The following OR10R2 variants were observed in gnomAD, a reference collection of about 807,000 sequenced individuals.
The protein encoded by OR10R2 is olfactory receptor 10R2.
In OR10R2, 1 loss-of-function variant was observed where a neutral mutation model predicts 2.4. The ratio of observed to expected loss-of-function variants is 0.41; its 90% CI spans 0.15 to 1.95. The LOEUF (loss-of-function observed/expected upper bound fraction) is 1.95. Among genes scored for constraint, OR10R2 ranks in the 30% most tolerant of loss-of-function variants. OR10R2 has a pLI of 0.30. For synonymous variants in OR10R2, 166 were observed against 144.8 expected (o/e 1.15, Z -1.05); for missense variants, 419 against 373.0 (o/e 1.12, Z -1.01).
intron 1 of OR10R2, among the ~76,000 whole-genome samples, chr1:158,472,901 G>T (rs1399754218): frequency 1.3e-5 from 2 of 152,036 alleles, no homozygotes; most frequent in African/African-American, 4.8e-5. Flanking sequence ...TTTAATTAGG[G>T]CTTCTTATAA....
At chr1:158,476,009 G>T (rs900734704) in intron 1 of OR10R2, among the ~76,000 whole-genome samples, 1 of 151,846 alleles carries the variant, frequency 6.6e-6, no homozygotes, top group Non-Finnish European at 1.5e-5. Context: ...AAGAATTAAG[G>T]TATAAACTTT....
At position 158,480,335 on chromosome 1, in the gene OR10R2, C is replaced by T. The variant is rs755373379; in HGVS notation, c.425C>T (p.Pro142Leu). The T allele has an allele frequency of 6.2e-6, 10 of 1,614,112 alleles. No homozygotes were observed. The South Asian group carries it at 6.6e-5, about 11-fold the overall frequency. Residue 142 changes from proline to leucine, a missense_variant, in exon 2 of 2, where the codon CCC (proline) becomes CTC (leucine). By Grantham distance (98) the Pro-to-Leu change is moderately conservative. Transcript: ENST00000641067. ...GCCATTTGTCACCCTCTGCATTACCCCACTCTTATGAGCTGGCAGGTGTGT... is the reference window on the plus strand; with the variant it reads ...GCCATTTGTCACCCTCTGCATTACCTCACTCTTATGAGCTGGCAGGTGTGT...
intron 1 of OR10R2, among the ~76,000 whole-genome samples, chr1:158,473,881 C>CT (rs1656215522): frequency 6.8e-6 from 1 of 147,178 alleles, no homozygotes; most frequent in African/African-American, 2.6e-5. Flanking sequence ...TGCTTCCTTC[C>CT]TCCCTCCTTC....
intron 1 of OR10R2, among the ~76,000 whole-genome samples, chr1:158,475,773 G>T (rs73027706): frequency 2.0e-5 from 3 of 151,164 alleles, no homozygotes; most frequent in Admixed American, 6.6e-5. Flanking sequence ...TATTGTTTAC[G>T]TTTAGCTTTT....
chr1:158,475,586 T>C (rs1456815508), intron 1 of OR10R2, among the ~76,000 whole-genome samples: 2 of 151,796 alleles, frequency 1.3e-5, no homozygotes, highest in African/African-American at 2.4e-5. Flanking sequence ...TTCTTCAAAG[T>C]TTGTTATTTT....
chr1:158,476,921 G>A (rs1571293751), intron 1 of OR10R2, among the ~76,000 whole-genome samples: 1 of 152,032 alleles, frequency 6.6e-6, no homozygotes, highest in East Asian at 1.9e-4. Flanking sequence ...ATTTTAAAAT[G>A]GGGTTTATTG....
At chr1:158,480,581 G>A (rs765600436) in exon 2 of OR10R2, 3 of 1,613,570 alleles carry the variant, frequency 1.9e-6, no homozygotes, top group South Asian at 1.1e-5. Context: ...CTGTTTATCT[G>A]TGTTTCTTAT....
chr1:158,473,657 A>G (rs1213273052), intron 1 of OR10R2, among the ~76,000 whole-genome samples: 1 of 152,144 alleles, frequency 6.6e-6, no homozygotes, highest in Non-Finnish European at 1.5e-5. Flanking sequence ...GGGAACTGGA[A>G]TAAATGTTTG....
At chr1:158,475,248 C>T (rs73025897) in intron 1 of OR10R2, among the ~76,000 whole-genome samples, 2,546 of 152,076 alleles carry the variant, frequency 0.017, 64 homozygotes, top group African/African-American at 0.058. Context: ...CAATTTTTCC[C>T]TATTAAAAAT....
intron 1 of OR10R2, among the ~76,000 whole-genome samples, chr1:158,479,344 T>G (rs181438733): frequency 5.7e-4 from 87 of 152,294 alleles, no homozygotes; most frequent in Admixed American, 4.2e-3. Context: ...ATTACATCTT[T>G]AAACTCATGA....
At chr1:158,473,671 T>C (rs1557874885) in intron 1 of OR10R2, among the ~76,000 whole-genome samples, 1 of 152,204 alleles carries the variant, frequency 6.6e-6, no homozygotes, top group African/African-American at 2.4e-5. Flanking sequence ...ATGTTTGCAG[T>C]GTTGTGAGAG....
intron 1 of OR10R2, among the ~76,000 whole-genome samples, chr1:158,479,319 A>T (rs1656331470): frequency 6.6e-6 from 1 of 152,152 alleles, no homozygotes; most frequent in African/African-American, 2.4e-5. Context: ...TTTGGTCAGA[A>T]TTGCTCTTTA....
chr1:158,473,272 C>A (rs751668592), intron 1 of OR10R2, among the ~76,000 whole-genome samples: 9 of 152,212 alleles, frequency 5.9e-5, no homozygotes, highest in Admixed American at 1.3e-4. Context: ...GTGCATGATA[C>A]GGAAACTTTT....
exon 2 of OR10R2, chr1:158,480,302 G>A (rs762149650): frequency 1.1e-5 from 18 of 1,613,954 alleles, no homozygotes; most frequent in African/African-American, 9.3e-5. Context: ...GGTTATGATC[G>A]CTATGCTGCC....
At chr1:158,472,935 T>A (rs994359246) in intron 1 of OR10R2, among the ~76,000 whole-genome samples, 1 of 152,228 alleles carries the variant, frequency 6.6e-6, no homozygotes, top group Non-Finnish European at 1.5e-5. Context: ...TTTTTACTTA[T>A]GTTGTCCATT....
exon 2 of OR10R2, chr1:158,480,170 T>C: frequency 1.2e-6 from 2 of 1,614,114 alleles, no homozygotes; most frequent in Non-Finnish European, 1.7e-6. Flanking sequence ...TTTGTCATTC[T>C]ACCCAAGATG....
At chr1:158,478,531 A>G (rs1210748519) in intron 1 of OR10R2, among the ~76,000 whole-genome samples, 1 of 152,230 alleles carries the variant, frequency 6.6e-6, no homozygotes, top group Non-Finnish European at 1.5e-5. Context: ...TCAAAGGTAT[A>G]CTACATTGCT....
intron 1 of OR10R2, chr1:158,474,416 C>T (rs549066706): frequency 6.6e-6 from 1 of 152,244 alleles, no homozygotes; most frequent in African/African-American, 2.4e-5. Flanking sequence ...TAATTTCTCC[C>T]TTCAGGCTGG....
At chr1:158,480,024 A>T (rs1312745051) in exon 2 of OR10R2, 4 of 1,613,730 alleles carry the variant, frequency 2.5e-6, no homozygotes, top group Non-Finnish European at 3.4e-6. Context: ...CCCTCTTTGT[A>T]GTTTTTCTTT....
Sources: allele counts gnomAD v4.1 joint callset (sites outside exome capture counted in the v4.1 genomes callset), GRCh38; gene constraint gnomAD v4.1.1; transcripts MANE v1.5; gene names NCBI Gene and HGNC (gene_info 2026-07-23, HGNC 2026-07-21).